FEV: variants seen among roughly 807,000 people sequenced by gnomAD.
The protein encoded by FEV is protein FEV.
FEV carries 14 observed loss-of-function variants against 20.5 expected under a neutral mutation model. The observed-to-expected ratio is 0.68, with a 90% CI of 0.45 to 1.07. The LOEUF is 1.07. Ranked by LOEUF, FEV falls within the 50% of genes least tolerant of loss-of-function variation. The probability of loss-of-function intolerance (pLI) is 0.00; values close to 1 mark genes in which losing one functional copy is unlikely to be tolerated. For missense variants in FEV, 301 were observed against 345.3 expected (o/e 0.87, Z 1.02); for synonymous variants, 188 against 163.7 (o/e 1.15, Z -1.13).
In FEV at chr2:218,985,111, A is replaced by G; in HGVS notation, c.-36T>C. 2.4e-6 allele frequency: 3 copies of G among 1,272,328 alleles called. No homozygotes were observed. Among genetic ancestry groups the G allele is most frequent in the Non-Finnish European group, 2.2e-6 (2 of 922,588 alleles). The allele number at this position is 1,272,328 out of a possible 1,614,324, so 78.8% of individuals were successfully genotyped here. A position where few individuals can be genotyped will look rare whatever the true frequency, so the allele number is the denominator to read the frequency against. ...GACTGGGCGGTGGGAGATGGGGGGG[A>G]CGGGGAAGGGGGGCGAGGCAGGCTT... On this transcript the variant is annotated 5_prime_UTR_variant, in exon 1 of 3. Coordinates refer to ENST00000295727, the MANE Select transcript of FEV (RefSeq NM_017521.3).
At chr2:218,982,293 G>A (rs452985) in intron 2 of FEV, 37 bp from the exon 3 acceptor site, 10 of 1,512,208 alleles carry the variant, frequency 6.6e-6, no homozygotes, top group Non-Finnish European at 8.0e-6. Flanking sequence ...AGGCGGGAGC[G>A]GGGAGGCGGG....
Position 218,981,589 on chromosome 2 carries a change from G to A in FEV, c.*78C>T. ...AGAGGACGGTTGACGGAGGCTCCCG[G>A]GCCCTCCCCGGGATGCCGATGGGAT... On this transcript the variant is annotated 3_prime_UTR_variant, in exon 3 of 3. Transcript: ENST00000295727. The surrounding 1 kb of genome is among the most constrained non-coding windows in gnomAD (Gnocchi z 4.5). 8.7e-7 allele frequency: 1 copy of A among 1,145,140 alleles called. No homozygotes were observed. Among genetic ancestry groups the A allele is most frequent in the Non-Finnish European group, 1.1e-6 (1 of 905,470 alleles). 70.9% of individuals were successfully genotyped at this position (1,145,140 alleles called of 1,614,324 possible).
rs895946851 is a variant in FEV at position 218,981,669 on chromosome 2, A to G, written c.715T>C (p.Ter239GlnextTer35). The G allele has an allele frequency of 2.1e-5, 28 of 1,326,374 alleles. No individual in the cohort carries two copies. Among genetic ancestry groups the G allele is most frequent in the Non-Finnish European group, 2.7e-5 (28 of 1,045,774 alleles). The allele number at this position is 1,326,374 out of a possible 1,614,324, so 82.2% of individuals were successfully genotyped here. The change falls in exon 3 of 3, where the codon TAG becomes CAG. Residue 239 changes from the stop codon to glutamine (Q), a stop_lost. Coordinates refer to ENST00000295727, the MANE Select transcript of FEV (RefSeq NM_017521.3). This position sits in a 1 kb window ranked among gnomAD's most constrained non-coding sequence, Gnocchi z 4.5. Reference protein sequence around the residue: ...AASHLGGHYH* With the variant: ...AASHLGGHYHQ ...CCGCAGGCACCCGACCGCCCCGTCT[A>G]GTGGTAATGGCCCCCCAAGTGCGAG...
chr2:218,982,134 C>T lies in FEV; in HGVS notation c.250G>A (p.Ala84Thr). The change falls in exon 3 of 3, where the codon GCG becomes ACG. Residue 84 changes from alanine to threonine, a missense_variant. By Grantham distance (58) the Ala-to-Thr change is moderately conservative. Coordinates refer to ENST00000295727, the MANE Select transcript of FEV (RefSeq NM_017521.3). ...CTCTTGCGCTCGCCCCACCGCCGCGCCACCTCGTCCGGGTCCGTGAGCTTG... is the reference window on the plus strand; with the variant it reads ...CTCTTGCGCTCGCCCCACCGCCGCGTCACCTCGTCCGGGTCCGTGAGCTTG... ...EFKLTDPDEV[A>T]RRWGERKSKP... The T allele has an allele frequency of 1.2e-6, 2 of 1,613,610 alleles. No homozygotes were observed. The highest frequency in any genetic ancestry group is 1.7e-6 in the Non-Finnish European group (2 of 1,179,876).
At position 218,984,292 on chromosome 2, in the gene FEV, G is replaced by T. The variant is rs1298257923; in HGVS notation, c.66C>A (p.Asp22Glu). 1 of 1,596,996 alleles carries T rather than the reference G, an allele frequency of 6.3e-7. No homozygotes were observed. Among genetic ancestry groups the T allele is most frequent in the Non-Finnish European group, 8.5e-7 (1 of 1,171,746 alleles). The change falls in exon 2 of 3, where the codon GAC (aspartate) becomes GAA (glutamate). Residue 22 changes from aspartate to glutamate, a missense_variant. Coordinates refer to ENST00000295727, the MANE Select transcript of FEV (RefSeq NM_017521.3). This position sits in a 1 kb window ranked among gnomAD's most constrained non-coding sequence, Gnocchi z 5.0. ...INMYLPDPVG[D>E]GLFKDGKNPS... ...GGTTCTTCCCGTCCTTGAAGAGACC[G>T]TCTCCGACGGGATCTGCAAGCAGCA... is the stretch of plus-strand genomic sequence containing the variant.
At position 218,983,543 on chromosome 2, in the gene FEV, A is replaced by T. The variant is rs187626326; in HGVS notation, c.127+688T>A. 3.5e-4 allele frequency among the ~76,000 whole-genome samples: 53 copies of T among 152,306 alleles called. 1 individual carries two copies. Among genetic ancestry groups the T allele is most frequent in the African/African-American group, 1.2e-3 (49 of 41,574 alleles). On this transcript the variant is annotated intron_variant, in intron 2 of 2. Coordinates refer to ENST00000295727, the MANE Select transcript of FEV (RefSeq NM_017521.3). Reference sequence around the variant, plus strand: ...TGCACCTGGCACCAAAGGCGGAGCAACCTCAGCGGCTTGGATGACCGTTCC... The same window carrying T: ...TGCACCTGGCACCAAAGGCGGAGCATCCTCAGCGGCTTGGATGACCGTTCC...
intron 2 of FEV, among the ~76,000 whole-genome samples, chr2:218,982,813 C>T (rs923136049): frequency 2.6e-5 from 4 of 152,216 alleles, no homozygotes; most frequent in Admixed American, 2.0e-4. Flanking sequence ...CCCGAGTCCC[C>T]AAAGACGTAG....
In FEV at chr2:218,984,480, C is replaced by A; in HGVS notation, c.53-175G>T. ...CTGGTCCAGGCGCGCTGCGCGGAGC[C>A]CCTCCATAGAGCCCAAGTCAGGAAA... On this transcript the variant is annotated intron_variant, in intron 1 of 2. Coordinates refer to ENST00000295727, the MANE Select transcript of FEV (RefSeq NM_017521.3). The surrounding 1 kb of genome is among the most constrained non-coding windows in gnomAD (Gnocchi z 5.0). 1 of 565,648 alleles carries A rather than the reference C, an allele frequency of 1.8e-6. No homozygotes were observed. The highest frequency in any genetic ancestry group is 3.1e-6 in the Non-Finnish European group (1 of 320,630). The allele number at this position is 565,648 out of a possible 1,614,324, so 35.0% of individuals were successfully genotyped here.
At position 218,985,168 on chromosome 2, in the gene FEV, C is replaced by A; in HGVS notation, c.-93G>T. The A allele has an allele frequency of 7.3e-6, 7 of 959,938 alleles. No homozygotes were observed. Among genetic ancestry groups the A allele is most frequent in the Middle Eastern group, 6.6e-4 (2 of 3,010 alleles). The allele number at this position is 959,938 out of a possible 1,614,324, so 59.5% of individuals were successfully genotyped here. ...CGGTGGCACCGATCCCCGCCCGAAG[C>A]GACCGCGGGTGACAAGGAGGAGAAG... is the stretch of plus-strand genomic sequence containing the variant. On this transcript the variant is annotated 5_prime_UTR_variant, in exon 1 of 3. Coordinates refer to ENST00000295727, the MANE Select transcript of FEV (RefSeq NM_017521.3).
Position 218,984,217 on chromosome 2 carries a change from G to A in FEV, c.127+14C>T. Reference sequence around the variant, plus strand: ...CAACCTCGCCTCCGCCGCCCAGCGCGCCGGCCATCTCACCTTTCTGAACCG... The same window carrying A: ...CAACCTCGCCTCCGCCGCCCAGCGCACCGGCCATCTCACCTTTCTGAACCG... On this transcript the variant is annotated intron_variant, in intron 2 of 2. Transcript: ENST00000295727. This position sits in a 1 kb window ranked among gnomAD's most constrained non-coding sequence, Gnocchi z 5.0. 1 of 1,581,008 alleles carries A rather than the reference G, an allele frequency of 6.3e-7. No homozygotes were observed. Among genetic ancestry groups the A allele is most frequent in the South Asian group, 1.2e-5 (1 of 86,376 alleles).
chr2:218,982,341 C>T (rs1385189030), intron 2 of FEV, 85 bp from the exon 3 acceptor site: 2 of 1,202,070 alleles, frequency 1.7e-6, no homozygotes, highest in Non-Finnish European at 1.1e-6. Flanking sequence ...TGACCCACCC[C>T]GGCAGGAACC....
At chr2:218,983,305 C>A (rs1294299106) in intron 2 of FEV, among the ~76,000 whole-genome samples, 2 of 152,110 alleles carry the variant, frequency 1.3e-5, no homozygotes, top group Non-Finnish European at 2.9e-5. Flanking sequence ...TAGAATAAAA[C>A]GGATTTTCCT....
At position 218,984,098 on chromosome 2, in the gene FEV, G is replaced by A. The variant is rs1381410331; in HGVS notation, c.127+133C>T. The A allele has an allele frequency of 4.9e-6, 4 of 813,164 alleles. No homozygotes were observed. The East Asian group carries it at 8.5e-5, about 17-fold the overall frequency. 50.4% of individuals were successfully genotyped at this position (813,164 alleles called of 1,614,324 possible). On this transcript the variant is annotated intron_variant, in intron 2 of 2. Transcript: ENST00000295727. The surrounding 1 kb of genome is among the most constrained non-coding windows in gnomAD (Gnocchi z 5.0). The stretch of plus-strand genomic sequence containing the variant: ...AAAACCAAGTGACTGTCTTCCCAAG[G>A]CCTCCGCACAACCAGGCCAGGACTC...
At position 218,984,200 on chromosome 2, in the gene FEV, C is replaced by T. The variant is rs571580783; in HGVS notation, c.127+31G>A. Reference sequence around the variant, plus strand: ...TGTGCCCTGACCCCAACCAACCTCGCCTCCGCCGCCCAGCGCGCCGGCCAT... The same window carrying T: ...TGTGCCCTGACCCCAACCAACCTCGTCTCCGCCGCCCAGCGCGCCGGCCAT... On this transcript the variant is annotated intron_variant, in intron 2 of 2. Coordinates refer to ENST00000295727, the MANE Select transcript of FEV (RefSeq NM_017521.3). The surrounding 1 kb of genome is among the most constrained non-coding windows in gnomAD (Gnocchi z 5.0). 7.7e-6 allele frequency: 12 copies of T among 1,562,300 alleles called. No homozygotes were observed. In the East Asian group the frequency reaches 2.6e-4, roughly 34 times the overall value.
chr2:218,984,192 C>T lies in FEV; in HGVS notation c.127+39G>A, dbSNP rs374413680. ...TGTCCGCCTGTGCCCTGACCCCAAC[C>T]AACCTCGCCTCCGCCGCCCAGCGCG... On this transcript the variant is annotated intron_variant, in intron 2 of 2. Transcript: ENST00000295727. This position sits in a 1 kb window ranked among gnomAD's most constrained non-coding sequence, Gnocchi z 5.0. The T allele has an allele frequency of 6.4e-6, 10 of 1,555,542 alleles. No homozygotes were observed. In the African/African-American group the frequency reaches 1.2e-4, roughly 19 times the overall value.
chr2:218,984,481 C>A lies in FEV; in HGVS notation c.53-176G>T. On this transcript the variant is annotated intron_variant, in intron 1 of 2. Transcript: ENST00000295727. The surrounding 1 kb of genome is among the most constrained non-coding windows in gnomAD (Gnocchi z 5.0). ...TGGTCCAGGCGCGCTGCGCGGAGCC[C>A]CTCCATAGAGCCCAAGTCAGGAAAC... The A allele has an allele frequency of 1.8e-6, 1 of 565,384 alleles. No individual in the cohort carries two copies. The highest frequency in any genetic ancestry group is 2.9e-5 in the South Asian group (1 of 34,678). The allele number at this position is 565,384 out of a possible 1,614,324, so 35.0% of individuals were successfully genotyped here. A position where few individuals can be genotyped will look rare whatever the true frequency, so the allele number is the denominator to read the frequency against.
In FEV at chr2:218,981,790, C is replaced by T. The variant is rs947938528; in HGVS notation, c.594G>A (p.Pro198=). 2.4e-6 allele frequency: 3 copies of T among 1,255,798 alleles called. No homozygotes were observed. Among genetic ancestry groups the T allele is most frequent in the African/African-American group, 3.1e-5 (2 of 63,902 alleles). The allele number at this position is 1,255,798 out of a possible 1,614,324, so 77.8% of individuals were successfully genotyped here. A position where few individuals can be genotyped will look rare whatever the true frequency, so the allele number is the denominator to read the frequency against. The part of the protein sequence containing the change: ...APAGFSYWPG[P]GPAATAAAAT... The stretch of plus-strand genomic sequence containing the variant: ...CGGCGGCAGCGGTGGCGGCGGGGCC[C>T]GGGCCCGGCCAGTAGGAGAAGCCGG... Residue 198 remains proline, a synonymous_variant, in exon 3 of 3, where the codon CCG becomes CCA. Coordinates refer to ENST00000295727, the MANE Select transcript of FEV (RefSeq NM_017521.3). This position sits in a 1 kb window ranked among gnomAD's most constrained non-coding sequence, Gnocchi z 4.5.
Position 218,984,326 on chromosome 2 carries a change from G to A in FEV, c.53-21C>T. The A allele has an allele frequency of 6.4e-7, 1 of 1,570,012 alleles. No individual in the cohort carries two copies. The highest frequency in any genetic ancestry group is 2.3e-5 in the East Asian group (1 of 42,810). Reference sequence around the variant, plus strand: ...GGGATCTGCAAGCAGCAGAAGAAAAGAATCAGGAGAACCCCGGGCGGAAGT... The same window carrying A: ...GGGATCTGCAAGCAGCAGAAGAAAAAAATCAGGAGAACCCCGGGCGGAAGT... On this transcript the variant is annotated intron_variant, in intron 1 of 2. Transcript: ENST00000295727. The surrounding 1 kb of genome is among the most constrained non-coding windows in gnomAD (Gnocchi z 5.0).
At position 218,985,118 on chromosome 2, in the gene FEV, AG is replaced by A. The variant is rs3835980; in HGVS notation, c.-44del. On this transcript the variant is annotated 5_prime_UTR_variant, in exon 1 of 3. Coordinates refer to ENST00000295727, the MANE Select transcript of FEV (RefSeq NM_017521.3). ...CGGTGGGAGATGGGGGGGACGGGGAAGGGGGGCGAGGCAGGCTTTGCGCTCG... is the reference window on the plus strand; with the variant it reads ...CGGTGGGAGATGGGGGGGACGGGGAAGGGGGCGAGGCAGGCTTTGCGCTCG... The A allele has an allele frequency of 0.041, 42,399 of 1,039,780 alleles. 1,103 individuals are homozygous for A. The highest frequency in any genetic ancestry group is 0.12 in the East Asian group (3,868 of 31,982). The allele number at this position is 1,039,780 out of a possible 1,614,324, so 64.4% of individuals were successfully genotyped here.
Sources: gnomAD v4.1 joint callset for allele counts (sites outside exome capture counted in the v4.1 genomes callset) on GRCh38, gnomAD v4.1.1 for gene constraint, Gnocchi (gnomAD v3.1) non-coding constraint, MANE v1.5 for transcripts, NCBI Gene and HGNC (gene_info 2026-07-23, HGNC 2026-07-21) for gene names.